SEC24C: variants seen among roughly 807,000 people sequenced by gnomAD.
SEC24C encodes the protein protein transport protein Sec24C.
Under a neutral mutation model 117.0 loss-of-function variants are expected in SEC24C, and 22 were observed. That is an observed-to-expected ratio of 0.19 (90% confidence interval 0.13 to 0.27). The LOEUF is 0.27. Among genes scored for constraint, SEC24C ranks in the 10% least tolerant of loss-of-function variants. SEC24C has a pLI of 1.00. For missense variants in SEC24C, 1,155 were observed against 1,375.1 expected (o/e 0.84, Z 2.53); for synonymous variants, 506 against 529.4 (o/e 0.96, Z 0.61).
Position 73,759,774 on chromosome 10 carries a change from C to T in SEC24C, c.461C>T (p.Pro154Leu). 1 of 1,594,314 alleles carries T rather than the reference C, an allele frequency of 6.3e-7. No homozygotes were observed. The highest frequency in any genetic ancestry group is 8.5e-7 in the Non-Finnish European group (1 of 1,172,744). The stretch of plus-strand genomic sequence containing the variant: ...AGCGGTGCTGTGGCCCCAGCCCCTC[C>T]TTCTTCAGGGCTGGGCTTTGGTGAG... ...QISGAVAPAP[P>L]SSGLGFGPPT... Residue 154 changes from proline (P) to leucine (L), a missense_variant, in exon 4 of 23, where the codon CCT (proline) becomes CTT (leucine). By Grantham distance (98) the Pro-to-Leu change is moderately conservative. Coordinates refer to ENST00000345254, the MANE Select transcript of SEC24C (RefSeq NM_198597.3).
At chr10:73,748,995 G>C (rs1398303647) in intron 2 of SEC24C, among the ~76,000 whole-genome samples, 1 of 152,112 alleles carries the variant, frequency 6.6e-6, no homozygotes, top group African/African-American at 2.4e-5. Flanking sequence ...CACTTGCCTC[G>C]GCCTCTCAAA....
chr10:73,764,523 CA>C (rs113069953), intron 8 of SEC24C, among the ~76,000 whole-genome samples: 17,985 of 75,550 alleles, frequency 0.24, 970 homozygotes, highest in Middle Eastern at 0.35. Flanking sequence ...GACTCTGTCT[CA>C]AAAAAAAAAA....
chr10:73,749,539 CTT>C (rs1163386772), intron 2 of SEC24C, among the ~76,000 whole-genome samples: 3 of 139,464 alleles, frequency 2.2e-5, no homozygotes, highest in East Asian at 2.0e-4. Flanking sequence ...TTTTCTTTTT[CTT>C]TTTTTTTTTT....
In SEC24C at chr10:73,769,447, G is replaced by A. The variant is rs1267529899; in HGVS notation, c.2525G>A (p.Cys842Tyr). Reference protein sequence around the residue: ...CTQLADLYRNCETDTLINYMA... With the variant: ...CTQLADLYRNYETDTLINYMA... ...CAGCTGGCTGATCTATATCGAAACT[G>A]TGAGACTGACACGCTCATCAACTAC... The change falls in exon 18 of 23, where the codon TGT becomes TAT. Residue 842 changes from cysteine to tyrosine, a missense_variant. Coordinates refer to ENST00000345254, the MANE Select transcript of SEC24C (RefSeq NM_198597.3). The surrounding 1 kb of genome is among the most constrained non-coding windows in gnomAD (Gnocchi z 4.5). 6.2e-7 allele frequency: 1 copy of A among 1,614,204 alleles called. No homozygotes were observed. Among genetic ancestry groups the A allele is most frequent in the Non-Finnish European group, 8.5e-7 (1 of 1,180,042 alleles).
chr10:73,750,945 T>C (rs751223594), intron 2 of SEC24C, among the ~76,000 whole-genome samples, 163 bp from the exon 3 acceptor site: 1 of 152,218 alleles, frequency 6.6e-6, no homozygotes, highest in Non-Finnish European at 1.5e-5. Flanking sequence ...TTTAGAATAC[T>C]GCTGTAGCTA....
Position 73,752,065 on chromosome 10 carries a change from T to A in SEC24C, c.308+822T>A, listed in dbSNP as rs536953599. On this transcript the variant is annotated intron_variant, in intron 3 of 22. Coordinates refer to ENST00000345254, the MANE Select transcript of SEC24C (RefSeq NM_198597.3). ...GTACAGTGACCCAATAAACCCATCT[T>A]AGCATGAAAGTCCATTAAAGGAGGG... 3 of 152,358 alleles carry A rather than the reference T, an allele frequency of 2.0e-5. No individual in the cohort carries two copies. In the East Asian group the frequency reaches 5.8e-4, roughly 29 times the overall value. The allele number at this position is 152,358 out of a possible 1,614,324, so 9.4% of individuals were successfully genotyped here. A position where few individuals can be genotyped will look rare whatever the true frequency, so the allele number is the denominator to read the frequency against.
Position 73,770,375 on chromosome 10 carries a change from G to C in SEC24C, c.2958G>C (p.Gly986=), listed in dbSNP as rs747119765. ...SNGDIYLLEN[G]LNLFLWVGAS... ...GGGATATATATTTACTGGAGAATGG[G>C]CTCAACCTCTTCCTCTGGGTGGGAG... Residue 986 remains glycine, a synonymous_variant, in exon 21 of 23, where the codon GGG becomes GGC. Coordinates refer to ENST00000345254, the MANE Select transcript of SEC24C (RefSeq NM_198597.3). 1 of 1,613,808 alleles carries C rather than the reference G, an allele frequency of 6.2e-7. No homozygotes were observed. Among genetic ancestry groups the C allele is most frequent in the Non-Finnish European group, 8.5e-7 (1 of 1,179,934 alleles).
At position 73,772,064 on chromosome 10, in the gene SEC24C, C is replaced by G; in HGVS notation, c.*969C>G. ...GGTGGCCAGGCTTGCCTGCTCCCCA[C>G]CTGGGATGCCCCTGCTCTGGACCTC... On this transcript the variant is annotated 3_prime_UTR_variant, in exon 23 of 23. Coordinates refer to ENST00000345254, the MANE Select transcript of SEC24C (RefSeq NM_198597.3). The G allele has an allele frequency of 8.2e-6, 3 of 366,622 alleles. No individual in the cohort carries two copies. Among genetic ancestry groups the G allele is most frequent in the Non-Finnish European group, 1.5e-5 (3 of 205,000 alleles). The allele number at this position is 366,622 out of a possible 1,614,324, so 22.7% of individuals were successfully genotyped here. A position where few individuals can be genotyped will look rare whatever the true frequency, so the allele number is the denominator to read the frequency against.
intron 5 of SEC24C, 122 bp from the exon 6 acceptor site, chr10:73,760,591 C>A: frequency 8.2e-7 from 1 of 1,216,754 alleles, no homozygotes; most frequent in Non-Finnish European, 1.1e-6. Context: ...TTCTGAATGT[C>A]TTTGCCAGGC....
chr10:73,763,659 G>C (rs1485857579), intron 7 of SEC24C, 58 bp downstream of exon 7: 2 of 464,418 alleles, frequency 4.3e-6, no homozygotes, highest in East Asian at 1.0e-4. Context: ...ATCAGCTTAT[G>C]GTTGGGGCTT....
rs767436162 is a variant in SEC24C, at chr10:73,770,977, A to G, written c.3167A>G (p.Asp1056Gly). ...TAGCTTACCGTGGTGAAACAGGAAG[A>G]CAAGATGGAGATGCTGTTCAAGCAC... is the stretch of plus-strand genomic sequence containing the variant. Reference protein sequence around the residue: ...YMKLTVVKQEDKMEMLFKHFL... With the variant: ...YMKLTVVKQEGKMEMLFKHFL... The change falls in exon 23 of 23, where the codon GAC (aspartate) becomes GGC (glycine). Residue 1056 changes from aspartate (D) to glycine (G), a missense_variant. Physicochemically the swap from Asp to Gly is moderately conservative, Grantham distance 94. Transcript: ENST00000345254. The G allele has an allele frequency of 6.2e-7, 1 of 1,614,230 alleles. No individual in the cohort carries two copies. The highest frequency in any genetic ancestry group is 8.5e-7 in the Non-Finnish European group (1 of 1,180,046).
chr10:73,757,980 A>G (rs1485267184), intron 3 of SEC24C, among the ~76,000 whole-genome samples: 1 of 150,020 alleles, frequency 6.7e-6, no homozygotes, highest in African/African-American at 2.5e-5. Context: ...TCACGCCTGT[A>G]ATCCCAGCAC....
rs1426596881 is a variant in SEC24C at position 73,769,921 on chromosome 10, T to G, written c.2768T>G (p.Val923Gly). The change falls in exon 20 of 23, where the codon GTC (valine) becomes GGC (glycine). Residue 923 changes from valine (V) to glycine (G), a missense_variant. By Grantham distance (109) the Val-to-Gly change is moderately radical. Coordinates refer to ENST00000345254, the MANE Select transcript of SEC24C (RefSeq NM_198597.3). This position sits in a 1 kb window ranked among gnomAD's most constrained non-coding sequence, Gnocchi z 4.5. ...GATGTCCTGCAGCCTGGAGCTGAAGTCACTACTGATGACCGTGCCTATGTC... is the reference window on the plus strand; with the variant it reads ...GATGTCCTGCAGCCTGGAGCTGAAGGCACTACTGATGACCGTGCCTATGTC... Reference protein sequence around the residue: ...KSDVLQPGAEVTTDDRAYVRQ... With the variant: ...KSDVLQPGAEGTTDDRAYVRQ... The G allele has an allele frequency of 1.2e-6, 2 of 1,614,188 alleles. No individual in the cohort carries two copies. The highest frequency in any genetic ancestry group is 1.7e-6 in the Non-Finnish European group (2 of 1,180,004).
At position 73,763,520 on chromosome 10, in the gene SEC24C, C is replaced by T. The variant is rs756665026; in HGVS notation, c.1018C>T (p.Arg340Trp). Reference sequence around the variant, plus strand: ...GGTCATTGAAGATGACAGGAACAACCGGGGTACAGAGCCATTTGTTACTGG... The same window carrying T: ...GGTCATTGAAGATGACAGGAACAACTGGGGTACAGAGCCATTTGTTACTGG... ...IQVIEDDRNN[R>W]GTEPFVTGVR... The change falls in exon 7 of 23, where the codon CGG becomes TGG. Residue 340 changes from arginine to tryptophan, a missense_variant. Coordinates refer to ENST00000345254, the MANE Select transcript of SEC24C (RefSeq NM_198597.3). The T allele has an allele frequency of 4.3e-6, 7 of 1,613,422 alleles. No individual in the cohort carries two copies. The highest frequency in any genetic ancestry group is 2.7e-5 in the African/African-American group (2 of 74,966).
At chr10:73,747,723 G>A (rs189330782) in intron 2 of SEC24C, among the ~76,000 whole-genome samples, 83 of 145,610 alleles carry the variant, frequency 5.7e-4, no homozygotes, top group Middle Eastern at 7.8e-3. Flanking sequence ...GCAGTGGCAC[G>A]ATCTCGGCTC....
chr10:73,745,507 C>T (rs968210134), intron 1 of SEC24C, among the ~76,000 whole-genome samples: 4 of 151,558 alleles, frequency 2.6e-5, no homozygotes, highest in African/African-American at 9.7e-5. Flanking sequence ...CTGTTCTGCA[C>T]TTGGTTTTAA....
intron 4 of SEC24C, 90 bp downstream of exon 4, chr10:73,759,884 G>A (rs1356944994): frequency 1.3e-6 from 2 of 1,486,138 alleles, no homozygotes; most frequent in South Asian, 2.7e-5. Context: ...TATTTCCCTT[G>A]TATTTCCTGT....
In SEC24C at chr10:73,768,537, C is replaced by T. The variant is rs1195787687; in HGVS notation, c.2182-273C>T. ...TGACCTAGGATAAATTTCTTAAGTA[C>T]TTCCTCTTTTGTTCCTTCATCTGCA... On this transcript the variant is annotated intron_variant, in intron 15 of 22. Coordinates refer to ENST00000345254, the MANE Select transcript of SEC24C (RefSeq NM_198597.3). 3.3e-5 allele frequency among the ~76,000 whole-genome samples: 5 copies of T among 152,218 alleles called. No homozygotes were observed. The East Asian group carries it at 9.6e-4, about 29-fold the overall frequency.
intron 20 of SEC24C, 55 bp from the exon 21 acceptor site, chr10:73,770,225 G>A: frequency 6.6e-7 from 1 of 1,513,022 alleles, no homozygotes; most frequent in Non-Finnish European, 9.0e-7. Context: ...TGGTGCGGGG[G>A]GGCAGACTTG....
Sources: gnomAD v4.1 joint callset for allele counts (sites outside exome capture counted in the v4.1 genomes callset) on GRCh38, gnomAD v4.1.1 for gene constraint, Gnocchi (gnomAD v3.1) non-coding constraint, MANE v1.5 for transcripts, NCBI Gene and HGNC (gene_info 2026-07-23, HGNC 2026-07-21) for gene names.